The following ABCD3 variants were observed in gnomAD, a reference collection of about 807,000 sequenced individuals.
The protein encoded by ABCD3 is ATP-binding cassette sub-family D member 3.
A neutral mutation model predicts 105.5 loss-of-function variants in ABCD3; 41 were observed. The ratio of observed to expected loss-of-function variants is 0.39; its 90% CI spans 0.30 to 0.50. The LOEUF (loss-of-function observed/expected upper bound fraction) is 0.50, where lower values mean the gene tolerates loss of function less well. Among genes scored for constraint, ABCD3 ranks in the 20% least tolerant of loss-of-function variants. ABCD3 has a pLI of 0.84. For synonymous variants in ABCD3, 258 were observed against 269.0 expected (o/e 0.96, Z 0.40); for missense variants, 622 against 806.3 (o/e 0.77, Z 2.77).
chr1:94,464,918 T>A, intron 3 of ABCD3, 45 bp downstream of exon 3: 2 of 1,452,882 alleles, frequency 1.4e-6, no homozygotes, highest in Non-Finnish European at 1.9e-6. Context: ...GGGCCGTTCT[T>A]TAATAAAATA....
At position 94,437,126 on chromosome 1, in the gene ABCD3, A is replaced by G. The variant is rs1659936704; in HGVS notation, c.110+18538A>G. ...TATGAAATTGCGAGGTGAAACAGCAAGTACTGATGTGGAAGCTACAGCAAG... is the reference window on the plus strand; with the variant it reads ...TATGAAATTGCGAGGTGAAACAGCAGGTACTGATGTGGAAGCTACAGCAAG... On this transcript the variant is annotated intron_variant, in intron 1 of 22. Coordinates refer to ENST00000370214, the MANE Select transcript of ABCD3 (RefSeq NM_002858.4). Among the ~76,000 whole-genome samples, 4 of 152,262 alleles carry G rather than the reference A, an allele frequency of 2.6e-5. No individual in the cohort carries two copies. In the South Asian group the frequency reaches 8.3e-4, roughly 32 times the overall value.
the ABCD3 span, among the ~76,000 whole-genome samples, chr1:94,408,027 C>A: frequency 1.1e-4 from 16 of 152,168 alleles, no homozygotes; most frequent in Admixed American, 7.9e-4. Context: ...GCCCATGAAG[C>A]CTGAAATATT....
At position 94,498,937 on chromosome 1, in the gene ABCD3, A is replaced by C. The variant is rs765844085; in HGVS notation, c.1531-8A>C. On this transcript the variant is annotated splice_region_variant and splice_polypyrimidine_tract_variant and intron_variant, in intron 18 of 22. Coordinates refer to ENST00000370214, the MANE Select transcript of ABCD3 (RefSeq NM_002858.4). ...GCTTCTAATTGACTTTTGCTCTACT[A>C]CTGTCAGAGACCTTACATGACCCTT... The C allele has an allele frequency of 5.0e-6, 8 of 1,613,216 alleles. No individual in the cohort carries two copies. In the East Asian group the frequency reaches 1.6e-4, roughly 31 times the overall value.
At chr1:94,396,933 T>A in the ABCD3 span, among the ~76,000 whole-genome samples, 1 of 152,208 alleles carries the variant, frequency 6.6e-6, no homozygotes, top group Non-Finnish European at 1.5e-5. Flanking sequence ...GCCTGTGATG[T>A]TGTATTTCAA....
the ABCD3 span, among the ~76,000 whole-genome samples, chr1:94,402,378 G>C: frequency 6.6e-6 from 1 of 152,132 alleles, no homozygotes; most frequent in African/African-American, 2.4e-5. Flanking sequence ...CCTTTATTCA[G>C]ATTTGCCAAT....
At chr1:94,456,754 G>T (rs1367877023) in intron 1 of ABCD3, among the ~76,000 whole-genome samples, 1 of 151,944 alleles carries the variant, frequency 6.6e-6, no homozygotes, top group Non-Finnish European at 1.5e-5. Context: ...ATTTCCTTAG[G>T]ATCTATACCC....
chr1:94,421,676 A>G (rs922061362), intron 1 of ABCD3, among the ~76,000 whole-genome samples: 1 of 152,088 alleles, frequency 6.6e-6, no homozygotes, highest in Non-Finnish European at 1.5e-5. Context: ...GCAGAATGAA[A>G]TGTACAGATA....
intron 13 of ABCD3, among the ~76,000 whole-genome samples, chr1:94,488,900 CCTTT>C (rs1490059718): frequency 2.6e-5 from 4 of 151,532 alleles, no homozygotes; most frequent in Non-Finnish European, 4.4e-5. Context: ...TCCCTGCCCC[CCTTT>C]CTTTCTCTTT....
intron 4 of ABCD3, among the ~76,000 whole-genome samples, chr1:94,469,049 A>G (rs937146918): frequency 2.6e-5 from 4 of 152,230 alleles, no homozygotes; most frequent in Non-Finnish European, 4.4e-5. Flanking sequence ...ATACATGAAC[A>G]TAGCTTAATG....
At chr1:94,469,665 T>C (rs1648353168) in intron 4 of ABCD3, among the ~76,000 whole-genome samples, 1 of 24,122 alleles carries the variant, frequency 4.1e-5, no homozygotes, top group African/African-American at 6.9e-5. Flanking sequence ...GTTCTTGCCT[T>C]TTTTTTTTTT....
intron 1 of ABCD3, chr1:94,432,521 A>G (rs977166503): frequency 1.6e-4 from 25 of 152,360 alleles, no homozygotes; most frequent in African/African-American, 6.0e-4. Context: ...ATTGTTCTAA[A>G]TGTTTTACGT....
chr1:94,507,683 C>T (rs1650436225), intron 21 of ABCD3, among the ~76,000 whole-genome samples: 1 of 152,226 alleles, frequency 6.6e-6, no homozygotes, highest in African/African-American at 2.4e-5. Flanking sequence ...GATTGCCATT[C>T]TAACTGGTGT....
chr1:94,483,280 G>GT (rs760590918), intron 10 of ABCD3, 41 bp downstream of exon 10: 59 of 1,503,864 alleles, frequency 3.9e-5, no homozygotes, highest in East Asian at 6.8e-5. Context: ...TATGGAAAGG[G>GT]TTTTTTTTGT....
At chr1:94,442,091 T>C (rs1351094803) in intron 1 of ABCD3, among the ~76,000 whole-genome samples, 1 of 152,164 alleles carries the variant, frequency 6.6e-6, no homozygotes, top group Non-Finnish European at 1.5e-5. Flanking sequence ...TGCATGTGTG[T>C]GTATATATAG....
intron 16 of ABCD3, among the ~76,000 whole-genome samples, chr1:94,495,453 A>G (rs533644958): frequency 1.3e-5 from 2 of 152,294 alleles, no homozygotes; most frequent in Non-Finnish European, 2.9e-5. Flanking sequence ...TAAATTTTTA[A>G]TACAGAAAAA....
At chr1:94,422,634 G>C (rs1474440566) in intron 1 of ABCD3, among the ~76,000 whole-genome samples, 2 of 152,148 alleles carry the variant, frequency 1.3e-5, no homozygotes. Context: ...CCCTAGTTCG[G>C]CTCTGTCATG....
chr1:94,414,945 T>G (rs1383239625), upstream of ABCD3, among the ~76,000 whole-genome samples: 1 of 152,150 alleles, frequency 6.6e-6, no homozygotes, highest in East Asian at 1.9e-4. Context: ...AGATTACTCA[T>G]GAGGTTGCAG....
chr1:94,435,894 T>C (rs1036431895), intron 1 of ABCD3, among the ~76,000 whole-genome samples: 6 of 152,234 alleles, frequency 3.9e-5, no homozygotes, highest in African/African-American at 1.4e-4. Flanking sequence ...TTATTACAGC[T>C]CTTGTCCTTA....
At chr1:94,444,067 C>T (rs1387282220) in intron 1 of ABCD3, among the ~76,000 whole-genome samples, 5 of 152,020 alleles carry the variant, frequency 3.3e-5, no homozygotes, top group Non-Finnish European at 7.4e-5. Flanking sequence ...GGCACAGTGG[C>T]TCATGCCTGT....
Sources: allele counts gnomAD v4.1 joint callset (sites outside exome capture counted in the v4.1 genomes callset), GRCh38; gene constraint gnomAD v4.1.1; transcripts MANE v1.5; gene names NCBI Gene and HGNC (gene_info 2026-07-23, HGNC 2026-07-21).